Variants in TNFRSF9 observed in about 807,000 individuals in gnomAD.
TNFRSF9 encodes tumor necrosis factor receptor superfamily member 9.
In TNFRSF9, 16 loss-of-function variants were observed where a neutral mutation model predicts 28.8. The ratio of observed to expected loss-of-function variants is 0.55; its 90% CI spans 0.38 to 0.84. The LOEUF is 0.84. TNFRSF9 is among the 40% of genes least tolerant of loss of function. The probability of loss-of-function intolerance (pLI) is 0.00; values close to 1 mark genes in which losing one functional copy is unlikely to be tolerated. For synonymous variants in TNFRSF9, 131 were observed against 117.0 expected (o/e 1.12, Z -0.77); for missense variants, 303 against 315.0 (o/e 0.96, Z 0.29).
At chr1:7,928,914 AAAAC>A (rs928175739) in intron 7 of TNFRSF9, among the ~76,000 whole-genome samples, 6 of 152,038 alleles carry the variant, frequency 3.9e-5, no homozygotes, top group South Asian at 4.1e-4. Flanking sequence ...AAAAAACCAA[AAAAC>A]AAACAAACAA....
chr1:7,933,356 T>G lies in TNFRSF9; in HGVS notation c.545-60A>C, dbSNP rs1193259838. On this transcript the variant is annotated intron_variant, in intron 6 of 7. Transcript: ENST00000377507. Reference sequence around the variant, plus strand: ...AAATGTGTTGACACTCATACACCCATGTATATATTTACATTGGTAAATTTC... The same window carrying G: ...AAATGTGTTGACACTCATACACCCAGGTATATATTTACATTGGTAAATTTC... 5 of 1,541,146 alleles carry G rather than the reference T, an allele frequency of 3.2e-6. No homozygotes were observed. The African/African-American group carries it at 6.9e-5, about 21-fold the overall frequency.
At chr1:7,926,294 C>T (rs1451967528) in intron 7 of TNFRSF9, among the ~76,000 whole-genome samples, 1 of 152,170 alleles carries the variant, frequency 6.6e-6, no homozygotes. Context: ...GTATTCGGTA[C>T]AGTCACATGC....
chr1:7,929,664 G>C (rs2151415971), intron 7 of TNFRSF9, among the ~76,000 whole-genome samples: 1 of 152,272 alleles, frequency 6.6e-6, no homozygotes, highest in Non-Finnish European at 1.5e-5. Context: ...ATGAAAGACA[G>C]ATAAGTGGTT....
At chr1:7,937,405 T>G (rs1639832486) in intron 5 of TNFRSF9, among the ~76,000 whole-genome samples, 1 of 152,152 alleles carries the variant, frequency 6.6e-6, no homozygotes, top group Non-Finnish European at 1.5e-5. Context: ...GGAGTCCTCC[T>G]GTCTCAGCCT....
Position 7,927,103 on chromosome 1 carries a change from G to A in TNFRSF9, c.679+6059C>T, listed in dbSNP as rs139816479. ...CCAGGCATGCAGAGAGCCAAAGCCC[G>A]TGAGACGTGACCAACTCAACATTCC... On this transcript the variant is annotated intron_variant, in intron 7 of 7. Transcript: ENST00000377507. 6.5e-3 allele frequency among the ~76,000 whole-genome samples: 983 copies of A among 151,926 alleles called. 14 individuals are homozygous for A. The highest frequency in any genetic ancestry group is 0.023 in the African/African-American group (944 of 41,444).
At chr1:7,920,997 A>T (rs1409919082) in intron 7 of TNFRSF9, 74 bp from the exon 8 acceptor site, 7 of 1,067,648 alleles carry the variant, frequency 6.6e-6, no homozygotes, top group Non-Finnish European at 1.0e-5. Flanking sequence ...TCCATAAATT[A>T]TAGCTGCAGA....
rs1233774215 is a variant in TNFRSF9 at position 7,938,298 on chromosome 1, T to C, written c.241A>G (p.Thr81Ala). ...GTGCAGTCACACTCTGCATTGCTGG[T>C]GGAGGAACACTCCTTCCTGGTCCTG... ...VFRTRKECSS[T>A]SNAECDCTPG... Residue 81 changes from threonine (T) to alanine (A), a missense_variant, in exon 4 of 8, where the codon ACC becomes GCC. Transcript: ENST00000377507. 2 of 1,609,884 alleles carry C rather than the reference T, an allele frequency of 1.2e-6. No homozygotes were observed. The highest frequency in any genetic ancestry group is 4.5e-5 in the East Asian group (2 of 44,606).
At chr1:7,930,524 G>A (rs572968864) in intron 7 of TNFRSF9, among the ~76,000 whole-genome samples, 7 of 152,148 alleles carry the variant, frequency 4.6e-5, no homozygotes, top group South Asian at 4.1e-4. Flanking sequence ...TTGGGAAACC[G>A]AGGTGGGAGG....
chr1:7,934,140 C>T (rs1331688781), intron 6 of TNFRSF9, among the ~76,000 whole-genome samples: 3 of 152,058 alleles, frequency 2.0e-5, no homozygotes, highest in Non-Finnish European at 4.4e-5. Context: ...CTTTGGGAGC[C>T]CAAGGCAGGA....
At position 7,917,797 on chromosome 1, in the gene TNFRSF9, G is replaced by A. The variant is rs1639500639; in HGVS notation, c.*3038C>T. On this transcript the variant is annotated 3_prime_UTR_variant, in exon 8 of 8. Coordinates refer to ENST00000377507, the MANE Select transcript of TNFRSF9 (RefSeq NM_001561.6). ...GCGGTGGCTCATGTCTGCAATTCCA[G>A]CACTTTGGAAGGCTGAGGTGGGAGG... 1 of 151,886 alleles carries A rather than the reference G, an allele frequency of 6.6e-6. No individual in the cohort carries two copies. Among genetic ancestry groups the A allele is most frequent in the Non-Finnish European group, 1.5e-5 (1 of 68,016 alleles). The allele number at this position is 151,886 out of a possible 1,614,324, so 9.4% of individuals were successfully genotyped here.
chr1:7,924,340 G>T (rs1203545342), intron 7 of TNFRSF9, among the ~76,000 whole-genome samples: 1 of 136,004 alleles, frequency 7.4e-6, no homozygotes, highest in Non-Finnish European at 1.5e-5. Context: ...TATATAACCA[G>T]TTAAGGCCGG....
chr1:7,926,452 T>C (rs1639652209), intron 7 of TNFRSF9, among the ~76,000 whole-genome samples: 1 of 152,186 alleles, frequency 6.6e-6, no homozygotes, highest in Non-Finnish European at 1.5e-5. Context: ...GAACTACCCC[T>C]GTCATTAAGT....
intron 7 of TNFRSF9, among the ~76,000 whole-genome samples, chr1:7,921,542 G>A (rs191300713): frequency 0.01 from 1,533 of 151,790 alleles, 14 homozygotes; most frequent in Non-Finnish European, 0.016. Context: ...GGTGGTGGGC[G>A]CCTGTAATCC....
chr1:7,930,861 A>G (rs1639723461), intron 7 of TNFRSF9, among the ~76,000 whole-genome samples: 1 of 152,190 alleles, frequency 6.6e-6, no homozygotes, highest in Non-Finnish European at 1.5e-5. Flanking sequence ...ATGAAAGAGC[A>G]AACCACAGAA....
chr1:7,922,633 G>A (rs181016867), intron 7 of TNFRSF9, among the ~76,000 whole-genome samples: 5 of 152,126 alleles, frequency 3.3e-5, no homozygotes, highest in South Asian at 4.2e-4. Context: ...CCAACATGGC[G>A]AAACCCTGTC....
intron 7 of TNFRSF9, among the ~76,000 whole-genome samples, chr1:7,931,375 C>T (rs534607886): frequency 4.6e-5 from 7 of 152,280 alleles, no homozygotes; most frequent in East Asian, 3.9e-4. Context: ...GAAATGATCC[C>T]GCTGTCCATC....
chr1:7,928,181 A>G (rs746684071), intron 7 of TNFRSF9, among the ~76,000 whole-genome samples: 2 of 152,258 alleles, frequency 1.3e-5, no homozygotes, highest in Admixed American at 1.3e-4. Context: ...GGATGCAGAG[A>G]AACTCCGATG....
intron 7 of TNFRSF9, among the ~76,000 whole-genome samples, chr1:7,921,426 G>A (rs975518997): frequency 2.6e-5 from 4 of 151,900 alleles, no homozygotes; most frequent in Admixed American, 2.6e-4. Flanking sequence ...CCAGCACTTT[G>A]GGAGGCTGAG....
rs1245221772 is a variant in TNFRSF9, at chr1:7,919,647, G to C, written c.*1188C>G. On this transcript the variant is annotated 3_prime_UTR_variant, in exon 8 of 8. Coordinates refer to ENST00000377507, the MANE Select transcript of TNFRSF9 (RefSeq NM_001561.6). Reference sequence around the variant, plus strand: ...TTGAGCCCAGGAGTTTAAGGCTAAAGTGTGCTATGATTGTGCCTGTGAATA... The same window carrying C: ...TTGAGCCCAGGAGTTTAAGGCTAAACTGTGCTATGATTGTGCCTGTGAATA... The C allele has an allele frequency of 1.3e-5, 2 of 152,272 alleles. No individual in the cohort carries two copies. The highest frequency in any genetic ancestry group is 2.9e-5 in the Non-Finnish European group (2 of 68,070). The allele number at this position is 152,272 out of a possible 1,614,324, so 9.4% of individuals were successfully genotyped here. A position where few individuals can be genotyped will look rare whatever the true frequency, so the allele number is the denominator to read the frequency against.
Sources: gnomAD v4.1 joint callset for allele counts (sites outside exome capture counted in the v4.1 genomes callset) on GRCh38, gnomAD v4.1.1 for gene constraint, MANE v1.5 for transcripts, NCBI Gene and HGNC (gene_info 2026-07-23, HGNC 2026-07-21) for gene names.